Variants in RFPL1 observed in about 807,000 individuals in gnomAD.
RFPL1 encodes the protein ret finger protein-like 1.
A neutral mutation model predicts 9.6 loss-of-function variants in RFPL1; 6 were observed. The observed-to-expected ratio is 0.62, with a 90% CI of 0.34 to 1.23. RFPL1 has a LOEUF of 1.23. Among genes scored for constraint, RFPL1 ranks in the 50% most tolerant of loss-of-function variants. The probability of loss-of-function intolerance (pLI) is 0.03; values close to 1 mark genes in which losing one functional copy is unlikely to be tolerated. For synonymous variants in RFPL1, 145 were observed against 149.4 expected (o/e 0.97, Z 0.22); for missense variants, 352 against 398.4 (o/e 0.88, Z 0.99).
exon 1 of RFPL1, chr22:29,438,647 G>A (rs545439479): frequency 1.3e-6 from 2 of 1,500,588 alleles, no homozygotes; most frequent in Admixed American, 2.2e-5. Context: ...CTCCACCTCA[G>A]TTCAGAGCAC....
exon 1 of RFPL1, chr22:29,439,004 C>T: frequency 6.2e-7 from 1 of 1,613,998 alleles, no homozygotes; most frequent in Non-Finnish European, 8.5e-7. Context: ...AGAAGGAGCC[C>T]CATGGGGAGG....
chr22:29,393,524 G>T, the RFPL1 span, among the ~76,000 whole-genome samples: 3 of 152,182 alleles, frequency 2.0e-5, no homozygotes, highest in African/African-American at 4.8e-5. Context: ...TAGCTACACT[G>T]CCTGAGTCAT....
the RFPL1 span, among the ~76,000 whole-genome samples, chr22:29,396,191 C>T: frequency 1.3e-5 from 2 of 152,138 alleles, no homozygotes; most frequent in Non-Finnish European, 2.9e-5. Context: ...TGAATGCATC[C>T]CCCAGGAAGC....
chr22:29,423,714 A>G, the RFPL1 span, among the ~76,000 whole-genome samples: 1 of 152,354 alleles, frequency 6.6e-6, no homozygotes, highest in South Asian at 2.1e-4. Flanking sequence ...GTCAAATGAG[A>G]TTAGAAAATA....
At chr22:29,435,420 G>A (rs1358978683), upstream of RFPL1, among the ~76,000 whole-genome samples, 4 of 152,130 alleles carry the variant, frequency 2.6e-5, no homozygotes, top group Non-Finnish European at 4.4e-5. Context: ...CACTCTTTAC[G>A]TTGTATCCAG....
At chr22:29,388,407 G>T in the RFPL1 span, 1 of 152,510 alleles carries the variant, frequency 6.6e-6, no homozygotes, top group African/African-American at 2.4e-5. Flanking sequence ...GGCTCGCCCG[G>T]GTCCCCGCTT....
At chr22:29,425,060 C>G in the RFPL1 span, among the ~76,000 whole-genome samples, 9 of 151,050 alleles carry the variant, frequency 6.0e-5, no homozygotes, top group East Asian at 1.2e-3. Flanking sequence ...AAAAATTAGC[C>G]GGGCGTGGTG....
At chr22:29,404,215 CAAAA>C in the RFPL1 span, among the ~76,000 whole-genome samples, 1 of 149,744 alleles carries the variant, frequency 6.7e-6, no homozygotes, top group South Asian at 2.1e-4. Flanking sequence ...TTAAAACAAA[CAAAA>C]AAACAACGCT....
chr22:29,407,769 G>C, the RFPL1 span, among the ~76,000 whole-genome samples: 1 of 152,144 alleles, frequency 6.6e-6, no homozygotes, highest in Admixed American at 6.5e-5. Context: ...AGTATACTGT[G>C]ACTTCTTTCT....
At chr22:29,435,852 T>C (rs2062806012), upstream of RFPL1, among the ~76,000 whole-genome samples, 1 of 152,236 alleles carries the variant, frequency 6.6e-6, no homozygotes, top group African/African-American at 2.4e-5. Context: ...AACTTGTCCA[T>C]TTCCATGATA....
the RFPL1 span, among the ~76,000 whole-genome samples, chr22:29,396,076 G>C: frequency 7.2e-5 from 11 of 151,778 alleles, no homozygotes; most frequent in African/African-American, 2.7e-4. Context: ...GAGAAGATAA[G>C]AGAAAAGAGA....
the RFPL1 span, among the ~76,000 whole-genome samples, chr22:29,415,515 C>T: frequency 3.9e-5 from 6 of 152,338 alleles, no homozygotes; most frequent in Middle Eastern, 3.4e-3. Context: ...TCAAGCTGGC[C>T]GGAGTCCCCT....
At chr22:29,414,437 A>G in the RFPL1 span, among the ~76,000 whole-genome samples, 1 of 152,208 alleles carries the variant, frequency 6.6e-6, no homozygotes, top group Non-Finnish European at 1.5e-5. Context: ...GCTTAGTCCA[A>G]ATTAACTTAG....
At chr22:29,418,075 T>C in the RFPL1 span, among the ~76,000 whole-genome samples, 1 of 151,882 alleles carries the variant, frequency 6.6e-6, no homozygotes, top group Admixed American at 6.6e-5. Flanking sequence ...AAATTACATG[T>C]GCCCGCCACC....
chr22:29,423,926 C>T, the RFPL1 span, among the ~76,000 whole-genome samples: 1 of 152,270 alleles, frequency 6.6e-6, no homozygotes, highest in Non-Finnish European at 1.5e-5. Context: ...CAATAAGGGC[C>T]AGGTGCTATA....
At position 29,438,751 on chromosome 22, in the gene RFPL1, T is replaced by A; in HGVS notation, c.-41T>A. The A allele has an allele frequency of 6.3e-7, 1 of 1,593,222 alleles. No homozygotes were observed. Among genetic ancestry groups the A allele is most frequent in the Non-Finnish European group, 8.6e-7 (1 of 1,169,000 alleles). ...GCTTGAGTGTTTGTACTCATGGTCT[T>A]GTTCTAGAAGTGACAAAGCTGGGAC... On this transcript the variant is annotated 5_prime_UTR_variant, in exon 1 of 2. It introduces an in-frame stop codon into an upstream open reading frame of the 5' UTR. Coordinates refer to ENST00000354373, the Ensembl canonical transcript of RFPL1.
At chr22:29,429,439 C>A in the RFPL1 span, among the ~76,000 whole-genome samples, 1 of 151,942 alleles carries the variant, frequency 6.6e-6, no homozygotes, top group South Asian at 2.1e-4. Context: ...AGAAGAAGAC[C>A]CAAATAAATT....
At chr22:29,432,346 C>A in the RFPL1 span, among the ~76,000 whole-genome samples, 1 of 152,102 alleles carries the variant, frequency 6.6e-6, no homozygotes, top group Non-Finnish European at 1.5e-5. Flanking sequence ...CTCCTATCAC[C>A]CTGTGATGAA....
At chr22:29,422,821 ACACACTCT>A in the RFPL1 span, among the ~76,000 whole-genome samples, 2 of 151,744 alleles carry the variant, frequency 1.3e-5, no homozygotes, top group Admixed American at 1.3e-4. Context: ...ACACACACAC[ACACACTCT>A]CTCTCTGCTG....
Sources: allele counts gnomAD v4.1 joint callset (sites outside exome capture counted in the v4.1 genomes callset), GRCh38; gene constraint gnomAD v4.1.1; transcripts MANE v1.5; gene names NCBI Gene and HGNC (gene_info 2026-07-23, HGNC 2026-07-21).